TLN2: variants seen among roughly 807,000 people sequenced by gnomAD.
TLN2 encodes talin-2.
In TLN2, 118 loss-of-function variants were observed where a neutral mutation model predicts 294.7. The ratio of observed to expected loss-of-function variants is 0.40; its 90% CI spans 0.34 to 0.47. TLN2 has a LOEUF of 0.47. Ranked by LOEUF, TLN2 falls within the 20% of genes least tolerant of loss-of-function variation. TLN2 has a pLI of 0.84. For synonymous variants in TLN2, 1,431 were observed against 1,304.5 expected, an observed-to-expected ratio of 1.10 and a Z score of -2.09; for missense variants, 3,083 against 3,282.2, an observed-to-expected ratio of 0.94 and a Z score of 1.48.
At chr15:62,626,982 G>T (rs1032224975) in intron 3 of TLN2, among the ~76,000 whole-genome samples, 1 of 152,228 alleles carries the variant, frequency 6.6e-6, no homozygotes, top group African/African-American at 2.4e-5. Flanking sequence ...ATTAACATAA[G>T]TATTTTAAAC....
At position 62,614,908 on chromosome 15, in the gene TLN2, C is replaced by T. The variant is rs28573696; in HGVS notation, c.-161-3443C>T. Among the ~76,000 whole-genome samples, 394 of 152,184 alleles carry T rather than the reference C, an allele frequency of 2.6e-3. 4 individuals carry two copies. The highest frequency in any genetic ancestry group is 9.1e-3 in the African/African-American group (377 of 41,522). On this transcript the variant is annotated intron_variant, in intron 2 of 58. Transcript: ENST00000636159. ...GCAACCCCCGCCTCCCAGGTTCAAG[C>T]GATTCTCTAGCCTCAGCCTCCCGAG...
At chr15:62,515,034 C>G (rs566568157) in intron 1 of TLN2, among the ~76,000 whole-genome samples, 1 of 152,284 alleles carries the variant, frequency 6.6e-6, no homozygotes. Flanking sequence ...TTGGAACTCC[C>G]TACACACTCT....
intron 16 of TLN2, among the ~76,000 whole-genome samples, chr15:62,699,076 G>A (rs2058546532): frequency 6.6e-6 from 1 of 152,126 alleles, no homozygotes; most frequent in African/African-American, 2.4e-5. Context: ...AGTACCACGG[G>A]TGGGCTGAGA....
At chr15:62,427,942 G>A (rs1011662896) in intron 1 of TLN2, among the ~76,000 whole-genome samples, 1 of 152,160 alleles carries the variant, frequency 6.6e-6, no homozygotes, top group Non-Finnish European at 1.5e-5. Context: ...TCTTTGTAGA[G>A]GGACTTATGT....
At chr15:62,395,343 T>A (rs1246277284) in intron 1 of TLN2, among the ~76,000 whole-genome samples, 1 of 152,094 alleles carries the variant, frequency 6.6e-6, no homozygotes, top group Non-Finnish European at 1.5e-5. Flanking sequence ...ATGCAAATTA[T>A]TGTGTCTCTT....
At position 62,722,403 on chromosome 15, in the gene TLN2, T is replaced by C. The variant is rs1441253156; in HGVS notation, c.3042T>C (p.Ser1014=). Residue 1014 remains serine (S), a synonymous_variant, in exon 26 of 59, where the codon AGT becomes AGC. Coordinates refer to ENST00000636159, the MANE Select transcript of TLN2 (RefSeq NM_015059.3). ...SSAKAAVPTV[S]DQAAAMQLSQ... Reference sequence around the variant, plus strand: ...CCAAAGCCGCAGTGCCCACCGTGAGTGACCAGGCCGCAGCCATGCAGCTGA... The same window carrying C: ...CCAAAGCCGCAGTGCCCACCGTGAGCGACCAGGCCGCAGCCATGCAGCTGA... 2 of 1,611,620 alleles carry C rather than the reference T, an allele frequency of 1.2e-6. No homozygotes were observed. Among genetic ancestry groups the C allele is most frequent in the African/African-American group, 1.3e-5 (1 of 74,690 alleles).
At chr15:62,777,035 T>C in intron 43 of TLN2, 125 bp downstream of exon 43, 4 of 866,312 alleles carry the variant, frequency 4.6e-6, no homozygotes, top group Admixed American at 4.1e-5. Context: ...TTCTAGTTAA[T>C]GTACAGATAT....
intron 1 of TLN2, among the ~76,000 whole-genome samples, chr15:62,541,798 A>G (rs1403093962): frequency 2.0e-5 from 3 of 152,118 alleles, no homozygotes; most frequent in Admixed American, 1.3e-4. Context: ...CTGTGAGCCC[A>G]TAGACATTAT....
intron 50 of TLN2, among the ~76,000 whole-genome samples, chr15:62,803,414 T>G (rs966435566): frequency 6.6e-6 from 1 of 152,220 alleles, no homozygotes; most frequent in African/African-American, 2.4e-5. Flanking sequence ...CCATCTCTTT[T>G]TCTACCTCCT....
At chr15:62,555,000 A>AG (rs1207469345) in intron 1 of TLN2, among the ~76,000 whole-genome samples, 1 of 151,332 alleles carries the variant, frequency 6.6e-6, no homozygotes, top group Non-Finnish European at 1.5e-5. Context: ...GAAAGAAAAA[A>AG]AAAAACACCC....
At chr15:62,705,049 T>A (rs2058969098) in intron 19 of TLN2, among the ~76,000 whole-genome samples, 1 of 152,242 alleles carries the variant, frequency 6.6e-6, no homozygotes, top group African/African-American at 2.4e-5. Context: ...TTGTATTTTT[T>A]AAAAGCTTTT....
At chr15:62,498,886 G>A (rs1265872949) in intron 1 of TLN2, among the ~76,000 whole-genome samples, 1 of 152,204 alleles carries the variant, frequency 6.6e-6, no homozygotes, top group Non-Finnish European at 1.5e-5. Flanking sequence ...ACTCTAAAGA[G>A]AGCTGTACAG....
At position 62,535,467 on chromosome 15, in the gene TLN2, TACACACACAC is replaced by T. The variant is rs35591215; in HGVS notation, c.-237-54205_-237-54196del. 1.4e-4 allele frequency among the ~76,000 whole-genome samples: 21 copies of T among 148,992 alleles called. No individual in the cohort carries two copies. In the South Asian group the frequency reaches 3.6e-3, roughly 26 times the overall value. On this transcript the variant is annotated intron_variant, in intron 1 of 58. Transcript: ENST00000636159. ...AGCATAGTGAGACCCTGTCTGTGTG[TACACACACAC>T]ACACACACACACACCCCTCTCTCTC...
At chr15:62,796,338 C>T (rs1014569768) in intron 47 of TLN2, 45 bp downstream of exon 47, 1 of 1,563,214 alleles carries the variant, frequency 6.4e-7, no homozygotes, top group Non-Finnish European at 8.6e-7. Flanking sequence ...CTGGCCTGCC[C>T]CTGAAACTCA....
At chr15:62,641,832 T>C (rs775215611) in intron 3 of TLN2, among the ~76,000 whole-genome samples, 18 of 152,052 alleles carry the variant, frequency 1.2e-4, no homozygotes, top group African/African-American at 3.9e-4. Flanking sequence ...CACTTCGTGG[T>C]CCTCCCTTAC....
At chr15:62,566,221 C>A (rs8028892) in intron 1 of TLN2, among the ~76,000 whole-genome samples, 36,513 of 151,784 alleles carry the variant, frequency 0.24, 4,738 homozygotes, top group East Asian at 0.53. Flanking sequence ...AGGCCAGTAG[C>A]TGGGGAGAAA....
intron 1 of TLN2, among the ~76,000 whole-genome samples, chr15:62,583,543 G>C (rs941632328): frequency 3.3e-5 from 5 of 151,048 alleles, no homozygotes; most frequent in Non-Finnish European, 7.4e-5. Context: ...ACTATGCTGA[G>C]AAAAAAATGG....
intron 1 of TLN2, among the ~76,000 whole-genome samples, chr15:62,418,182 T>C (rs1326050167): frequency 6.6e-6 from 1 of 152,190 alleles, no homozygotes; most frequent in African/African-American, 2.4e-5. Flanking sequence ...GTATGCTGGG[T>C]GCAGTGGTTG....
intron 1 of TLN2, among the ~76,000 whole-genome samples, chr15:62,487,357 G>T (rs1249390291): frequency 3.9e-5 from 6 of 152,184 alleles, no homozygotes; most frequent in Non-Finnish European, 5.9e-5. Flanking sequence ...TGTAGGAAAG[G>T]TATGCTTCTT....
Sources: gnomAD v4.1 joint callset for allele counts (sites outside exome capture counted in the v4.1 genomes callset) on GRCh38, gnomAD v4.1.1 for gene constraint, MANE v1.5 for transcripts, NCBI Gene and HGNC (gene_info 2026-07-23, HGNC 2026-07-21) for gene names.